MYT1L: variants seen among roughly 807,000 people sequenced by gnomAD.
The protein encoded by MYT1L is myelin transcription factor 1 like, also known as myelin transcription factor 1-like protein.
A neutral mutation model predicts 126.7 loss-of-function variants in MYT1L; 12 were observed. The observed-to-expected ratio is 0.09, with a 90% CI of 0.06 to 0.15. The LOEUF (loss-of-function observed/expected upper bound fraction) is 0.15. MYT1L is among the 10% of genes least tolerant of loss of function. MYT1L has a pLI of 1.00. For missense variants in MYT1L, 979 were observed against 1,585.2 expected (o/e 0.62, Z 6.49); for synonymous variants, 541 against 604.2 (o/e 0.90, Z 1.53).
rs538709466 is a variant in MYT1L, at chr2:2,102,859, T to C, written c.-303-48736A>G. Among the ~76,000 whole-genome samples the C allele has an allele frequency of 1.8e-3, 278 of 152,110 alleles. 1 individual carries two copies. Among genetic ancestry groups the C allele is most frequent in the African/African-American group, 6.2e-3 (257 of 41,468 alleles). On this transcript the variant is annotated intron_variant, in intron 3 of 24. Coordinates refer to ENST00000647738, the MANE Select transcript of MYT1L (RefSeq NM_001303052.2). ...GCCAAGATATTGCTCCAGTAGAATA[T>C]TGATCTATATAAAAATTCTGGGCTT...
chr2:2,271,972 T>C (rs538657453), intron 2 of MYT1L, among the ~76,000 whole-genome samples: 2 of 152,326 alleles, frequency 1.3e-5, no homozygotes, highest in South Asian at 4.1e-4. Flanking sequence ...TCTTCATGAT[T>C]CATTCTGCCT....
At chr2:2,221,084 G>A (rs2093852116) in intron 2 of MYT1L, among the ~76,000 whole-genome samples, 1 of 152,150 alleles carries the variant, frequency 6.6e-6, no homozygotes, top group Admixed American at 6.5e-5. Flanking sequence ...TAAGCTTCTT[G>A]CTGTACCCAC....
At chr2:1,840,680 G>T (rs1050756672) in intron 20 of MYT1L, 80 bp downstream of exon 20, 8 of 1,008,426 alleles carry the variant, frequency 7.9e-6, no homozygotes, top group Non-Finnish European at 1.2e-5. Flanking sequence ...TTTTCTTGTT[G>T]ACATATACTT....
At chr2:2,287,447 C>A (rs1287187996) in intron 1 of MYT1L, among the ~76,000 whole-genome samples, 1 of 152,044 alleles carries the variant, frequency 6.6e-6, no homozygotes, top group Non-Finnish European at 1.5e-5. Context: ...GACGTAAGAC[C>A]TGTTCAAATA....
At chr2:2,330,941 A>T (rs188364320) in intron 1 of MYT1L, 26 bp downstream of exon 1, 2 of 152,310 alleles carry the variant, frequency 1.3e-5, no homozygotes, top group South Asian at 2.1e-4. Context: ...GTTCCCCGAA[A>T]AATTAACCTA....
At chr2:1,954,512 C>G (rs561429216) in intron 8 of MYT1L, among the ~76,000 whole-genome samples, 5 of 152,180 alleles carry the variant, frequency 3.3e-5, no homozygotes, top group Non-Finnish European at 7.3e-5. Context: ...GTCAGCACAG[C>G]AGCACAGACG....
intron 2 of MYT1L, among the ~76,000 whole-genome samples, chr2:2,234,297 T>A (rs1218085854): frequency 6.6e-6 from 1 of 152,210 alleles, no homozygotes; most frequent in Non-Finnish European, 1.5e-5. Context: ...GCTTTCCTGC[T>A]CTGAAGATCA....
At chr2:2,105,881 C>T (rs1422892324) in intron 3 of MYT1L, among the ~76,000 whole-genome samples, 2 of 152,172 alleles carry the variant, frequency 1.3e-5, no homozygotes, top group African/African-American at 4.8e-5. Context: ...AAGGCAGGGG[C>T]TCAATGCATT....
intron 1 of MYT1L, among the ~76,000 whole-genome samples, chr2:2,288,190 C>G (rs573887539): frequency 6.6e-6 from 1 of 152,158 alleles, no homozygotes; most frequent in Non-Finnish European, 1.5e-5. Context: ...AGATACAGGA[C>G]AACATCAGTT....
intron 2 of MYT1L, among the ~76,000 whole-genome samples, chr2:2,275,202 A>ATATGTGTG (rs71402144): frequency 2.6e-4 from 36 of 139,550 alleles, no homozygotes; most frequent in African/African-American, 9.2e-4. Context: ...TAATAATAAA[A>ATATGTGTG]TGTGTGTGTG....
chr2:2,008,210 G>C (rs575307625), intron 4 of MYT1L, among the ~76,000 whole-genome samples: 1 of 152,234 alleles, frequency 6.6e-6, no homozygotes, highest in Non-Finnish European at 1.5e-5. Context: ...AGCCTGCCTA[G>C]GCGCCCCACA....
intron 4 of MYT1L, among the ~76,000 whole-genome samples, chr2:2,022,753 C>T (rs1446184746): frequency 1.3e-5 from 2 of 151,936 alleles, no homozygotes; most frequent in East Asian, 3.9e-4. Context: ...AATGTCAGTT[C>T]TTTGTCCGTA....
At chr2:2,158,703 TACACACAC>T (rs34075925) in intron 3 of MYT1L, among the ~76,000 whole-genome samples, 3 of 144,370 alleles carry the variant, frequency 2.1e-5, no homozygotes, top group Non-Finnish European at 4.6e-5. Context: ...AACATTCAAG[TACACACAC>T]ACACACACAC....
At chr2:2,244,635 GC>G (rs1327056984) in intron 2 of MYT1L, among the ~76,000 whole-genome samples, 1 of 152,234 alleles carries the variant, frequency 6.6e-6, no homozygotes, top group African/African-American at 2.4e-5. Flanking sequence ...TGAGAGGCCT[GC>G]TCAAACTGCA....
intron 4 of MYT1L, among the ~76,000 whole-genome samples, chr2:2,031,720 AAT>A (rs1163988489): frequency 7.0e-6 from 1 of 142,532 alleles, no homozygotes; most frequent in East Asian, 2.2e-4. Flanking sequence ...CCCCCTCACC[AAT>A]GCCTCTCATC....
intron 1 of MYT1L, among the ~76,000 whole-genome samples, chr2:2,302,640 T>C (rs1024534584): frequency 6.6e-6 from 1 of 152,216 alleles, no homozygotes; most frequent in Non-Finnish European, 1.5e-5. Flanking sequence ...GATAGACAGC[T>C]TTGTGCGCTC....
intron 18 of MYT1L, among the ~76,000 whole-genome samples, chr2:1,855,510 A>C (rs1363307031): frequency 6.6e-6 from 1 of 152,216 alleles, no homozygotes; most frequent in South Asian, 2.1e-4. Context: ...TGCAGCACTC[A>C]GGCTGCTGGG....
chr2:1,952,293 A>C (rs890728762), intron 8 of MYT1L, among the ~76,000 whole-genome samples: 2 of 152,136 alleles, frequency 1.3e-5, no homozygotes, highest in Non-Finnish European at 2.9e-5. Context: ...TATTGTCTTG[A>C]ATAGTAATTC....
intron 1 of MYT1L, among the ~76,000 whole-genome samples, chr2:2,307,227 G>A (rs762632821): frequency 9.2e-5 from 14 of 152,154 alleles, no homozygotes; most frequent in Non-Finnish European, 1.9e-4. Context: ...GTTTATTTCT[G>A]TATGAAATAG....
Sources: allele counts gnomAD v4.1 joint callset (sites outside exome capture counted in the v4.1 genomes callset), GRCh38; gene constraint gnomAD v4.1.1; transcripts MANE v1.5; gene names NCBI Gene and HGNC (gene_info 2026-07-23, HGNC 2026-07-21).